TDP1: variants seen among roughly 807,000 people sequenced by gnomAD.
TDP1 encodes tyr-DNA phosphodiesterase 1.
Under a neutral mutation model 81.5 loss-of-function variants are expected in TDP1, and 64 were observed. The ratio of observed to expected loss-of-function variants is 0.79; its 90% CI spans 0.64 to 0.97. The LOEUF is 0.97. Ranked by LOEUF, TDP1 falls within the 50% of genes least tolerant of loss-of-function variation. TDP1 has a pLI of 0.00. For missense variants in TDP1, 723 were observed against 743.8 expected (o/e 0.97, Z 0.33); for synonymous variants, 256 against 264.3 (o/e 0.97, Z 0.30).
chr14:89,972,379 C>T (rs1341584725), intron 6 of TDP1, among the ~76,000 whole-genome samples: 3 of 152,186 alleles, frequency 2.0e-5, no homozygotes, highest in Non-Finnish European at 2.9e-5. Context: ...AAGTCCACCC[C>T]CATGATCCAA....
chr14:89,973,975 T>A (rs1420148750), intron 6 of TDP1, among the ~76,000 whole-genome samples: 1 of 152,056 alleles, frequency 6.6e-6, no homozygotes, highest in Non-Finnish European at 1.5e-5. Context: ...AGGACAGCAG[T>A]CCTGTTGGAT....
Position 89,966,143 on chromosome 14 carries a change from T to C in TDP1, c.560-4T>C. The C allele has an allele frequency of 1.9e-6, 3 of 1,591,436 alleles. No homozygotes were observed. Among genetic ancestry groups the C allele is most frequent in the Non-Finnish European group, 2.6e-6 (3 of 1,159,540 alleles). On this transcript the variant is annotated splice_region_variant and splice_polypyrimidine_tract_variant and intron_variant, in intron 3 of 16. Coordinates refer to ENST00000335725, the MANE Select transcript of TDP1 (RefSeq NM_018319.4). ...TGAATTTGATATATGTTTTGTCTTC[T>C]CAGATATTTTATCTCCTTTATTTGG...
At chr14:90,043,022 T>C (rs1481112013) in intron 16 of TDP1, 48 bp from the exon 17 acceptor site, 2 of 1,613,804 alleles carry the variant, frequency 1.2e-6, no homozygotes, top group Admixed American at 3.3e-5. Context: ...GAGTGCATTT[T>C]CTACCATCCT....
chr14:90,026,819 A>G (rs1390093475), intron 15 of TDP1, among the ~76,000 whole-genome samples: 7 of 152,298 alleles, frequency 4.6e-5, no homozygotes, highest in African/African-American at 1.7e-4. Flanking sequence ...ATAGTATTCC[A>G]TGGTGTGTAT....
intron 2 of TDP1, among the ~76,000 whole-genome samples, chr14:89,957,523 A>G (rs893691044): frequency 2.0e-5 from 3 of 152,306 alleles, no homozygotes; most frequent in Non-Finnish European, 2.9e-5. Context: ...CAGGAACTCA[A>G]TTGAGGAGCA....
At chr14:89,974,172 ATTGC>A (rs1418701449) in intron 6 of TDP1, among the ~76,000 whole-genome samples, 2 of 152,174 alleles carry the variant, frequency 1.3e-5, no homozygotes, top group African/African-American at 2.4e-5. Context: ...TTTGAAATTG[ATTGC>A]TAATGCTGTT....
chr14:89,981,193 T>C (rs1179079238), intron 8 of TDP1, among the ~76,000 whole-genome samples: 1 of 152,198 alleles, frequency 6.6e-6, no homozygotes. Flanking sequence ...AGTTGGTGTA[T>C]TTTCTTTGAA....
intron 14 of TDP1, among the ~76,000 whole-genome samples, chr14:90,000,247 G>A (rs973567850): frequency 5.9e-5 from 9 of 152,168 alleles, no homozygotes; most frequent in Non-Finnish European, 8.8e-5. Context: ...GCCCACCCAG[G>A]ATTGTTTCCC....
At chr14:89,984,364 T>G (rs764007859) in intron 8 of TDP1, 152 bp from the exon 9 acceptor site, 37 of 1,529,258 alleles carry the variant, frequency 2.4e-5, no homozygotes, top group Non-Finnish European at 3.2e-5. Context: ...TGGAGTGGTG[T>G]TCTCAGATTT....
chr14:89,967,421 A>G lies in TDP1; in HGVS notation c.658A>G (p.Arg220Gly), dbSNP rs777694837. ...WLVKQYPPEFRKKPILLVHGD... is the reference protein window; with the variant it reads ...WLVKQYPPEFGKKPILLVHGD... ...CGTAAAACAGTATCCACCAGAGTTCAGGTGAGTTCCTCAGGGTGACAGACA... is the reference window on the plus strand; with the variant it reads ...CGTAAAACAGTATCCACCAGAGTTCGGGTGAGTTCCTCAGGGTGACAGACA... Residue 220 changes from arginine to glycine, a missense_variant and splice_region_variant, in exon 5 of 17, where the codon AGG (arginine) becomes GGG (glycine). Physicochemically the swap from Arg to Gly is moderately radical, Grantham distance 125 (BLOSUM62 -2). Coordinates refer to ENST00000335725, the MANE Select transcript of TDP1 (RefSeq NM_018319.4). 4 of 1,613,934 alleles carry G rather than the reference A, an allele frequency of 2.5e-6. No homozygotes were observed. Among genetic ancestry groups the G allele is most frequent in the East Asian group, 2.2e-5 (1 of 44,868 alleles).
intron 5 of TDP1, among the ~76,000 whole-genome samples, chr14:89,968,513 G>A (rs1370912099): frequency 6.6e-6 from 1 of 152,220 alleles, no homozygotes; most frequent in South Asian, 2.1e-4. Flanking sequence ...CTTCCTGGAA[G>A]TCCCACACAA....
chr14:90,007,506 T>C (rs1884172614), intron 14 of TDP1, among the ~76,000 whole-genome samples: 2 of 152,056 alleles, frequency 1.3e-5, no homozygotes, highest in African/African-American at 4.8e-5. Flanking sequence ...TGAAAATCGC[T>C]TGAACCCAGG....
intron 2 of TDP1, among the ~76,000 whole-genome samples, chr14:89,962,662 A>T (rs1236521376): frequency 1.3e-5 from 2 of 151,632 alleles, no homozygotes; most frequent in African/African-American, 4.9e-5. Flanking sequence ...CCAGGAGTTC[A>T]AGGCCAGCCT....
At chr14:89,970,830 AATTT>A (rs969217664) in intron 5 of TDP1, 263 of 789,846 alleles carry the variant, frequency 3.3e-4, no homozygotes, top group South Asian at 4.8e-4. Flanking sequence ...TATTTTAATT[AATTT>A]ATTTATTTAT....
intron 14 of TDP1, among the ~76,000 whole-genome samples, chr14:90,014,103 A>G (rs1347574896): frequency 6.6e-6 from 1 of 152,230 alleles, no homozygotes; most frequent in East Asian, 1.9e-4. Context: ...TAGACTTGTA[A>G]AACTTTTAAT....
chr14:90,012,838 G>T (rs904717237), intron 14 of TDP1, among the ~76,000 whole-genome samples: 3 of 152,158 alleles, frequency 2.0e-5, no homozygotes, highest in Admixed American at 6.5e-5. Context: ...AGCCAAGAAG[G>T]GGGGCTATGC....
chr14:89,991,161 A>G (rs1314388776), intron 12 of TDP1, among the ~76,000 whole-genome samples: 1 of 150,686 alleles, frequency 6.6e-6, no homozygotes, highest in Non-Finnish European at 1.5e-5. Context: ...TGGGCAAAAC[A>G]GAGGCTGTCC....
chr14:90,025,344 G>T lies in TDP1; in HGVS notation c.1644+5926G>T, dbSNP rs1596682583. ...GATAAAGATGCCATTTGAAACCTGG[G>T]ATTGATCTGGAGGCTGATAAGTCGC... On this transcript the variant is annotated intron_variant, in intron 15 of 16. Transcript: ENST00000335725. 5.3e-5 allele frequency among the ~76,000 whole-genome samples: 8 copies of T among 152,290 alleles called. No homozygotes were observed. The South Asian group carries it at 1.7e-3, about 32-fold the overall frequency.
Position 89,993,800 on chromosome 14 carries a change from G to A in TDP1, c.1541+317G>A, listed in dbSNP as rs560008511. On this transcript the variant is annotated intron_variant, in intron 14 of 16. Transcript: ENST00000335725. Reference sequence around the variant, plus strand: ...GGTAAGTACAGAAGAATAATGAAATGTTAAAATTAATATTTTTTTCTTAAT... The same window carrying A: ...GGTAAGTACAGAAGAATAATGAAATATTAAAATTAATATTTTTTTCTTAAT... Among the ~76,000 whole-genome samples the A allele has an allele frequency of 3.8e-4, 58 of 152,266 alleles. No homozygotes were observed. The South Asian group carries it at 0.012, about 31-fold the overall frequency.
Sources: allele counts gnomAD v4.1 joint callset (sites outside exome capture counted in the v4.1 genomes callset), GRCh38; gene constraint gnomAD v4.1.1; transcripts MANE v1.5; gene names NCBI Gene and HGNC (gene_info 2026-07-23, HGNC 2026-07-21).